The following ADCY7 variants were observed in gnomAD, a reference collection of about 807,000 sequenced individuals.
ADCY7 encodes adenylate cyclase 7, also known as adenylate cyclase type 7.
ADCY7 carries 72 observed loss-of-function variants against 120.6 expected under a neutral mutation model. The ratio of observed to expected loss-of-function variants is 0.60; its 90% CI spans 0.49 to 0.73. The LOEUF (loss-of-function observed/expected upper bound fraction) is 0.73. Among genes scored for constraint, ADCY7 ranks in the 30% least tolerant of loss-of-function variants. The probability of loss-of-function intolerance (pLI) is 0.00; values close to 1 mark genes in which losing one functional copy is unlikely to be tolerated. For missense variants in ADCY7, 1,227 were observed against 1,486.0 expected, an observed-to-expected ratio of 0.83 and a Z score of 2.87; for synonymous variants, 661 against 628.0, an observed-to-expected ratio of 1.05 and a Z score of -0.78.
At chr16:50,302,163 C>T (rs1211307519) in intron 10 of ADCY7, among the ~76,000 whole-genome samples, 1 of 151,242 alleles carries the variant, frequency 6.6e-6, no homozygotes, top group Admixed American at 6.6e-5. Context: ...TCCTGCCCTT[C>T]CACTACCAGG....
chr16:50,291,809 T>C lies in ADCY7; in HGVS notation c.449T>C (p.Val150Ala), dbSNP rs2034991231. The change falls in exon 4 of 26, where the codon GTT becomes GCT. Residue 150 changes from valine to alanine, a missense_variant. This residue lies in a region of ADCY7 where 382 missense variants were observed against 411.4 expected (regional missense o/e 0.93). Transcript: ENST00000673801. ...TTCAGCATGCGGGGCGCTGTCGCCGTTGGGGCCGTCTCCACTGCCTCCCAC... is the reference window on the plus strand; with the variant it reads ...TTCAGCATGCGGGGCGCTGTCGCCGCTGGGGCCGTCTCCACTGCCTCCCAC... ...LPFSMRGAVA[V>A]GAVSTASHLL... The C allele has an allele frequency of 6.2e-7, 1 of 1,614,048 alleles. No individual in the cohort carries two copies. The highest frequency in any genetic ancestry group is 1.3e-5 in the African/African-American group (1 of 75,032).
In ADCY7 at chr16:50,300,618, G is replaced by A. The variant is rs1467951135; in HGVS notation, c.1077-97G>A. ...CTCCCGTGGGCTGAGCGCCTGCCCT[G>A]TTCCCACATGCTGCCCTGTACCCAC... On this transcript the variant is annotated intron_variant, in intron 8 of 25. Coordinates refer to ENST00000673801, the MANE Select transcript of ADCY7 (RefSeq NM_001114.5). 3.3e-5 allele frequency: 47 copies of A among 1,433,196 alleles called. No homozygotes were observed. The East Asian group carries it at 1.2e-3, about 36-fold the overall frequency. The allele number at this position is 1,433,196 out of a possible 1,614,324, so 88.8% of individuals were successfully genotyped here.
At chr16:50,266,139 A>C (rs572550969), upstream of ADCY7, among the ~76,000 whole-genome samples, 3 of 152,078 alleles carry the variant, frequency 2.0e-5, no homozygotes, top group East Asian at 5.8e-4. Context: ...CCACCTTACT[A>C]CATAGATAGG....
Position 50,299,180 on chromosome 16 carries a change from C to A in ADCY7, c.1076+149C>A, listed in dbSNP as rs1461038499. Reference sequence around the variant, plus strand: ...AAGCAGCTTGCCTGGACCACCCAGCCTGCTGGAGGATTCAGACTTCATCTG... The same window carrying A: ...AAGCAGCTTGCCTGGACCACCCAGCATGCTGGAGGATTCAGACTTCATCTG... On this transcript the variant is annotated intron_variant, in intron 8 of 25. Transcript: ENST00000673801. The A allele has an allele frequency of 1.1e-5, 12 of 1,065,938 alleles. No homozygotes were observed. In the East Asian group the frequency reaches 3.2e-4, roughly 28 times the overall value. The allele number at this position is 1,065,938 out of a possible 1,614,324, so 66.0% of individuals were successfully genotyped here.
intron 1 of ADCY7, among the ~76,000 whole-genome samples, chr16:50,247,333 G>A (rs4267305): frequency 1 from 152,170 of 152,244 alleles, 76,048 homozygotes; most frequent in Non-Finnish European, 1. Flanking sequence ...TGAGAACCCT[G>A]CATGGTGAGT....
intron 6 of ADCY7, among the ~76,000 whole-genome samples, chr16:50,293,730 AT>A (rs1279842279): frequency 6.6e-6 from 1 of 152,178 alleles, no homozygotes; most frequent in Non-Finnish European, 1.5e-5. Context: ...TTAGATTGGT[AT>A]TGAAAGATCT....
At chr16:50,282,275 G>A (rs975461548) in intron 1 of ADCY7, among the ~76,000 whole-genome samples, 4 of 152,208 alleles carry the variant, frequency 2.6e-5, no homozygotes, top group Non-Finnish European at 5.9e-5. Flanking sequence ...TGCTGGGGAC[G>A]CTGCCAGATC....
chr16:50,291,591 C>T (rs1469870884), intron 3 of ADCY7, 145 bp from the exon 4 acceptor site: 10 of 850,146 alleles, frequency 1.2e-5, no homozygotes, highest in Non-Finnish European at 1.7e-5. Flanking sequence ...TTTCTTGTTC[C>T]CTTGTATGTC....
intron 9 of ADCY7, 65 bp from the exon 10 acceptor site, chr16:50,301,017 C>T: frequency 6.3e-7 from 1 of 1,583,112 alleles, no homozygotes. Context: ...GCCTGCTGTG[C>T]ATCCCTGGGT....
At chr16:50,254,992 A>C (rs1183104299) in intron 1 of ADCY7, among the ~76,000 whole-genome samples, 1 of 152,026 alleles carries the variant, frequency 6.6e-6, no homozygotes, top group Non-Finnish European at 1.5e-5. Flanking sequence ...TGGCATAAAA[A>C]TAGACACATT....
intron 10 of ADCY7, 33 bp from the exon 11 acceptor site, chr16:50,304,327 G>A: frequency 7.1e-7 from 1 of 1,413,226 alleles, no homozygotes; most frequent in Non-Finnish European, 9.3e-7. Flanking sequence ...AGGGGAGGAG[G>A]TGGCACAGGC....
At chr16:50,300,941 T>C (rs1307349078) in intron 9 of ADCY7, 68 bp downstream of exon 9, 1 of 1,539,708 alleles carries the variant, frequency 6.5e-7, no homozygotes, top group Non-Finnish European at 8.8e-7. Flanking sequence ...GGTTCTGCGG[T>C]TGGGGGTGGG....
At chr16:50,245,031 T>C (rs2032539094), upstream of ADCY7, among the ~76,000 whole-genome samples, 2 of 152,136 alleles carry the variant, frequency 1.3e-5, no homozygotes, top group South Asian at 2.1e-4. Flanking sequence ...CTCAGCATGG[T>C]TTCAACGTGG....
intron 1 of ADCY7, among the ~76,000 whole-genome samples, chr16:50,252,635 G>A (rs2032793316): frequency 6.6e-6 from 1 of 152,224 alleles, no homozygotes; most frequent in Non-Finnish European, 1.5e-5. Context: ...TGGGGAAACT[G>A]AGGCTCAGAG....
chr16:50,288,459 C>A, intron 2 of ADCY7, 109 bp downstream of exon 2: 1 of 1,219,630 alleles, frequency 8.2e-7, no homozygotes, highest in East Asian at 2.8e-5. Context: ...AAATGCTATG[C>A]TTTTTTGTTT....
chr16:50,248,868 G>A (rs1050616844), intron 1 of ADCY7, among the ~76,000 whole-genome samples: 2 of 152,172 alleles, frequency 1.3e-5, no homozygotes, highest in East Asian at 1.9e-4. Context: ...TAACAGAACG[G>A]CCTGGGACTC....
intron 1 of ADCY7, among the ~76,000 whole-genome samples, chr16:50,286,300 A>G (rs1322509979): frequency 6.7e-6 from 1 of 149,432 alleles, no homozygotes; most frequent in Non-Finnish European, 1.5e-5. Context: ...AGCCTCCTGC[A>G]TAGCTGAGGT....
chr16:50,297,141 G>A lies in ADCY7; in HGVS notation c.949-1763G>A, dbSNP rs374764718. On this transcript the variant is annotated intron_variant, in intron 7 of 25. Transcript: ENST00000673801. This position sits in a 1 kb window ranked among gnomAD's most constrained non-coding sequence, Gnocchi z 4.4. ...TGGGGAAAGGGAGGCCATGGCAGGT[G>A]CCAGCTTCCCAGTCAGAGCATCTAA... 1.6e-4 allele frequency among the ~76,000 whole-genome samples: 24 copies of A among 152,260 alleles called. No homozygotes were observed. Among genetic ancestry groups the A allele is most frequent in the African/African-American group, 5.8e-4 (24 of 41,470 alleles).
chr16:50,314,091 C>T (rs1323178685), intron 23 of ADCY7, 29 bp downstream of exon 23: 7 of 1,598,726 alleles, frequency 4.4e-6, no homozygotes, highest in Non-Finnish European at 6.0e-6. Flanking sequence ...TGAAATTCAG[C>T]TGACTGTCCT....
Sources: allele counts gnomAD v4.1 joint callset (sites outside exome capture counted in the v4.1 genomes callset), GRCh38; gene constraint gnomAD v4.1.1; regional missense constraint gnomAD v4.1.1; non-coding constraint Gnocchi (gnomAD v3.1); transcripts MANE v1.5; gene names NCBI Gene and HGNC (gene_info 2026-07-23, HGNC 2026-07-21).